Variants in SPOCK1 observed in about 807,000 individuals in gnomAD.
The protein encoded by SPOCK1 is SPARC (osteonectin), cwcv and kazal like domains proteoglycan 1.
A neutral mutation model predicts 55.3 loss-of-function variants in SPOCK1; 23 were observed. The ratio of observed to expected loss-of-function variants is 0.42; its 90% CI spans 0.30 to 0.59. The LOEUF is 0.59. Ranked by LOEUF, SPOCK1 falls within the 20% of genes least tolerant of loss-of-function variation. The pLI, the probability that SPOCK1 is intolerant of heterozygous loss-of-function variation, is 0.22. For missense variants in SPOCK1, 499 were observed against 552.5 expected (o/e 0.90, Z 0.97); for synonymous variants, 226 against 221.0 (o/e 1.02, Z -0.20).
At chr5:137,090,020 G>C (rs1240606179) in intron 5 of SPOCK1, among the ~76,000 whole-genome samples, 1 of 152,160 alleles carries the variant, frequency 6.6e-6, no homozygotes. Context: ...TCTAACACTA[G>C]ATACTTGGCA....
chr5:137,498,970 G>A (rs1266907763), intron 1 of SPOCK1, among the ~76,000 whole-genome samples: 2 of 151,724 alleles, frequency 1.3e-5, no homozygotes, highest in Admixed American at 1.3e-4. Context: ...AGCAGCACCC[G>A]AGCTCCGGCA....
chr5:137,056,262 TG>T, intron 6 of SPOCK1, among the ~76,000 whole-genome samples: 1 of 150,998 alleles, frequency 6.6e-6, no homozygotes, highest in East Asian at 2.0e-4. Context: ...CACAACCATG[TG>T]GGGGTGGGGG....
At chr5:137,157,437 C>G (rs894847861) in intron 3 of SPOCK1, among the ~76,000 whole-genome samples, 3 of 152,098 alleles carry the variant, frequency 2.0e-5, no homozygotes, top group African/African-American at 4.8e-5. Context: ...AGAATTTTCC[C>G]CCTCCTACTA....
intron 5 of SPOCK1, among the ~76,000 whole-genome samples, chr5:137,098,315 C>T (rs978520062): frequency 2.0e-5 from 3 of 152,166 alleles, no homozygotes; most frequent in Admixed American, 1.3e-4. Context: ...CAGTACCTCA[C>T]CCTGGCTCTA....
chr5:137,343,311 T>C (rs1332897402), intron 2 of SPOCK1, among the ~76,000 whole-genome samples: 1 of 152,242 alleles, frequency 6.6e-6, no homozygotes, highest in African/African-American at 2.4e-5. Flanking sequence ...CCTTCCCTAC[T>C]GAGGACCCTC....
chr5:137,386,783 T>C (rs559389207), intron 2 of SPOCK1, among the ~76,000 whole-genome samples: 4 of 152,062 alleles, frequency 2.6e-5, no homozygotes, highest in African/African-American at 9.6e-5. Context: ...AAAGACAGAA[T>C]CCATGAAAGA....
At chr5:137,405,331 C>A (rs1752073964) in intron 2 of SPOCK1, among the ~76,000 whole-genome samples, 1 of 152,158 alleles carries the variant, frequency 6.6e-6, no homozygotes, top group South Asian at 2.1e-4. Flanking sequence ...TTATCTTAGT[C>A]CCATAAATCG....
intron 2 of SPOCK1, among the ~76,000 whole-genome samples, chr5:137,460,493 A>G (rs1314765583): frequency 3.3e-5 from 5 of 152,086 alleles, no homozygotes; most frequent in Non-Finnish European, 7.4e-5. Context: ...CTCTGCCCCA[A>G]CCCTACAGGA....
intron 5 of SPOCK1, among the ~76,000 whole-genome samples, chr5:137,075,104 G>C (rs1318558877): frequency 1.3e-5 from 2 of 152,216 alleles, no homozygotes; most frequent in African/African-American, 4.8e-5. Context: ...CTCCCAAAGT[G>C]CTGGGATTAC....
rs546270316 is a variant in SPOCK1 at position 136,979,647 on chromosome 5, C to T, written c.992-178G>A. ...ACAGGGCCCTTAACCTTTAGAGGCC[C>T]AAACGCGATGAGCTCTAAGGATGTC... is the stretch of plus-strand genomic sequence containing the variant. On this transcript the variant is annotated intron_variant, in intron 9 of 10. Coordinates refer to ENST00000394945, the MANE Select transcript of SPOCK1 (RefSeq NM_004598.4). The T allele has an allele frequency of 3.3e-5, 22 of 675,836 alleles. No homozygotes were observed. In the East Asian group the frequency reaches 4.4e-4, roughly 14 times the overall value. The allele number at this position is 675,836 out of a possible 1,614,324, so 41.9% of individuals were successfully genotyped here. A position where few individuals can be genotyped will look rare whatever the true frequency, so the allele number is the denominator to read the frequency against.
At position 137,074,996 on chromosome 5, in the gene SPOCK1, C is replaced by T. The variant is rs1279135589; in HGVS notation, c.475-7167G>A. ...GGGATTACAGGCGTGAGTCACCGCG[C>T]CCGACCTAATTTTTGTATTTTTAGT... On this transcript the variant is annotated intron_variant, in intron 5 of 10. Transcript: ENST00000394945. Among the ~76,000 whole-genome samples, 3 of 151,974 alleles carry T rather than the reference C, an allele frequency of 2.0e-5. No homozygotes were observed. In the East Asian group the frequency reaches 5.8e-4, roughly 29 times the overall value.
chr5:137,463,533 G>T (rs1051444571), intron 2 of SPOCK1, among the ~76,000 whole-genome samples: 1 of 150,664 alleles, frequency 6.6e-6, no homozygotes, highest in African/African-American at 2.4e-5. Flanking sequence ...TAGTGGGGGG[G>T]TGTTGGGAGG....
intron 6 of SPOCK1, among the ~76,000 whole-genome samples, chr5:137,050,521 C>T (rs1342425419): frequency 6.6e-6 from 1 of 151,308 alleles, no homozygotes; most frequent in African/African-American, 2.4e-5. Flanking sequence ...CGCGCACCCA[C>T]TGGCCTGCGC....
chr5:137,420,698 T>A (rs1276638802), intron 2 of SPOCK1, among the ~76,000 whole-genome samples: 1 of 152,212 alleles, frequency 6.6e-6, no homozygotes, highest in Non-Finnish European at 1.5e-5. Context: ...TTCTTCTTTA[T>A]GAGTCTTGCT....
rs73296745 is a variant in SPOCK1, at chr5:137,258,279, C to T, written c.232+8731G>A. Among the ~76,000 whole-genome samples, 828 of 152,336 alleles carry T rather than the reference C, an allele frequency of 5.4e-3. 7 individuals are homozygous for T. Among genetic ancestry groups the T allele is most frequent in the African/African-American group, 0.019 (780 of 41,580 alleles). On this transcript the variant is annotated intron_variant, in intron 3 of 10. Coordinates refer to ENST00000394945, the MANE Select transcript of SPOCK1 (RefSeq NM_004598.4). ...TCTCTGAGACTGCAAAGCCCCAGGG[C>T]CTTTCCACTATACCGCATTGCCTTT... is the stretch of plus-strand genomic sequence containing the variant.
intron 2 of SPOCK1, among the ~76,000 whole-genome samples, chr5:137,494,495 TGTTATGAATATTAA>T (rs147412820): frequency 0.014 from 2,205 of 152,300 alleles, 26 homozygotes; most frequent in East Asian, 0.021. Context: ...CTCATAGGAT[TGTTATGAATATTAA>T]GTGAGATAAT....
At chr5:137,250,258 A>G (rs1385636414) in intron 3 of SPOCK1, among the ~76,000 whole-genome samples, 1 of 152,178 alleles carries the variant, frequency 6.6e-6, no homozygotes, top group African/African-American at 2.4e-5. Flanking sequence ...TGGACCCCAA[A>G]GGCCAAAAAT....
intron 3 of SPOCK1, among the ~76,000 whole-genome samples, chr5:137,161,934 T>C (rs556876860): frequency 6.6e-6 from 1 of 152,270 alleles, no homozygotes; most frequent in South Asian, 2.1e-4. Context: ...CCTATTCTCA[T>C]CTTTGGTGAT....
At chr5:137,479,632 T>C (rs1167002355) in intron 2 of SPOCK1, among the ~76,000 whole-genome samples, 4 of 152,230 alleles carry the variant, frequency 2.6e-5, no homozygotes, top group Admixed American at 2.0e-4. Flanking sequence ...CAGCACACTC[T>C]TCCTCCTGCA....
Sources: gnomAD v4.1 joint callset for allele counts (sites outside exome capture counted in the v4.1 genomes callset) on GRCh38, gnomAD v4.1.1 for gene constraint, MANE v1.5 for transcripts, NCBI Gene and HGNC (gene_info 2026-07-23, HGNC 2026-07-21) for gene names.